NLRP4: variants seen among roughly 807,000 people sequenced by gnomAD.
The protein encoded by NLRP4 is NLR family pyrin domain containing 4.
NLRP4 carries 44 observed loss-of-function variants against 84.7 expected under a neutral mutation model. The ratio of observed to expected loss-of-function variants is 0.52; its 90% CI spans 0.41 to 0.67. The LOEUF (loss-of-function observed/expected upper bound fraction) is 0.67, where lower values mean the gene tolerates loss of function less well. Ranked by LOEUF, NLRP4 falls within the 30% of genes least tolerant of loss-of-function variation. The probability of loss-of-function intolerance (pLI) is 0.00; values close to 1 mark genes in which losing one functional copy is unlikely to be tolerated. For missense variants in NLRP4, 1,260 were observed against 1,219.4 expected (o/e 1.03, Z -0.50); for synonymous variants, 544 against 476.4 (o/e 1.14, Z -1.85).
chr19:55,862,775 A>G (rs1984812300), intron 5 of NLRP4, among the ~76,000 whole-genome samples: 1 of 152,108 alleles, frequency 6.6e-6, no homozygotes, highest in African/African-American at 2.4e-5. Flanking sequence ...TTCAGAGAAG[A>G]CTATGTATTT....
intron 2 of NLRP4, among the ~76,000 whole-genome samples, chr19:55,852,729 G>A (rs767749565): frequency 2.0e-5 from 3 of 152,038 alleles, no homozygotes; most frequent in Non-Finnish European, 1.5e-5. Flanking sequence ...CACCCATCTT[G>A]GCCTCCCAAA....
chr19:55,869,032 A>G (rs1249849317), intron 6 of NLRP4, among the ~76,000 whole-genome samples: 1 of 152,186 alleles, frequency 6.6e-6, no homozygotes, highest in Admixed American at 6.5e-5. Context: ...GACATCAGGC[A>G]ATGAAGGACA....
intron 6 of NLRP4, among the ~76,000 whole-genome samples, chr19:55,868,109 T>C (rs972210741): frequency 2.0e-5 from 3 of 152,368 alleles, no homozygotes; most frequent in South Asian, 2.1e-4. Context: ...AGAGGTCTTA[T>C]GGCTATCAAG....
At chr19:55,879,024 TG>T (rs1485750549) in intron 9 of NLRP4, 60 bp downstream of exon 9, 1 of 1,333,570 alleles carries the variant, frequency 7.5e-7, no homozygotes, top group Non-Finnish European at 1.1e-6. Flanking sequence ...AGGGATTGGC[TG>T]GGACCTGCAG....
chr19:55,856,896 C>T (rs996485914), intron 2 of NLRP4, among the ~76,000 whole-genome samples: 2 of 152,126 alleles, frequency 1.3e-5, no homozygotes, highest in South Asian at 2.1e-4. Context: ...GGAATGGATG[C>T]GAGGTGCCAT....
chr19:55,846,340 G>A, intron 1 of NLRP4, among the ~76,000 whole-genome samples: 1 of 152,024 alleles, frequency 6.6e-6, no homozygotes, highest in East Asian at 1.9e-4. Flanking sequence ...GTAGATATGC[G>A]GCATTATTTC....
chr19:55,859,602 C>G (rs1205080320), intron 3 of NLRP4, among the ~76,000 whole-genome samples: 1 of 152,098 alleles, frequency 6.6e-6, no homozygotes, highest in Admixed American at 6.6e-5. Context: ...CTTGACCTCT[C>G]AGCTGCAAGT....
chr19:55,858,001 A>G lies in NLRP4; in HGVS notation c.608A>G (p.Asp203Gly), dbSNP rs143553899. 152 of 1,614,172 alleles carry G rather than the reference A, an allele frequency of 9.4e-5. No individual in the cohort carries two copies. In the African/African-American group the frequency reaches 1.9e-3, roughly 20 times the overall value. ...GAGTTGCCGCCAACGAGTTTGGCTG[A>G]CTTGATTTCCAGAGAGTGGCCTGAC... ...LRELPPTSLA[D>G]LISREWPDPA... Residue 203 changes from aspartate (D) to glycine (G), a missense_variant, in exon 3 of 10, where the codon GAC (aspartate) becomes GGC (glycine). Around this residue, in one of 3 missense-constraint regions of NLRP4, gnomAD observed 712 missense variants for 669.2 expected, o/e 1.06. Coordinates refer to ENST00000301295, the MANE Select transcript of NLRP4 (RefSeq NM_134444.5). This position sits in a 1 kb window ranked among gnomAD's most constrained non-coding sequence, Gnocchi z 4.2.
In NLRP4 at chr19:55,858,130, A is replaced by G. The variant is rs878934589; in HGVS notation, c.737A>G (p.Asp246Gly). Residue 246 changes from aspartate (D) to glycine (G), a missense_variant, in exon 3 of 10, where the codon GAT (aspartate) becomes GGT (glycine). Physicochemically the swap from Asp to Gly is moderately conservative, Grantham distance 94. Coordinates refer to ENST00000301295, the MANE Select transcript of NLRP4 (RefSeq NM_134444.5). This position sits in a 1 kb window ranked among gnomAD's most constrained non-coding sequence, Gnocchi z 4.2. ...GGCGGCTTGAACGAACCCGATTCGGATCTGTGTGGTGACTTGATGGAGAAA... is the reference window on the plus strand; with the variant it reads ...GGCGGCTTGAACGAACCCGATTCGGGTCTGTGTGGTGACTTGATGGAGAAA... ...LQGGLNEPDS[D>G]LCGDLMEKRP... 2 of 1,614,070 alleles carry G rather than the reference A, an allele frequency of 1.2e-6. No homozygotes were observed. The highest frequency in any genetic ancestry group is 3.3e-5 in the Admixed American group (2 of 60,002).
At chr19:55,878,623 C>A (rs1038930093) in intron 8 of NLRP4, among the ~76,000 whole-genome samples, 171 bp from the exon 9 acceptor site, 3 of 152,146 alleles carry the variant, frequency 2.0e-5, no homozygotes, top group Non-Finnish European at 4.4e-5. Flanking sequence ...ACACTTATGG[C>A]TACTTTTACC....
intron 2 of NLRP4, among the ~76,000 whole-genome samples, chr19:55,853,504 C>T (rs1246321831): frequency 1.3e-5 from 2 of 152,132 alleles, no homozygotes; most frequent in Non-Finnish European, 2.9e-5. Context: ...TGATCTGCCA[C>T]CTCAGCCTCC....
intron 7 of NLRP4, among the ~76,000 whole-genome samples, chr19:55,876,787 TC>T (rs1222036162): frequency 1.3e-5 from 2 of 152,202 alleles, no homozygotes; most frequent in Admixed American, 6.5e-5. Flanking sequence ...ATTGGTTTTT[TC>T]GTTTGTATTT....
intron 5 of NLRP4, among the ~76,000 whole-genome samples, chr19:55,866,402 G>A (rs1471390568): frequency 6.6e-6 from 1 of 152,222 alleles, no homozygotes; most frequent in Non-Finnish European, 1.5e-5. Flanking sequence ...TGCTGCAGAG[G>A]CGTGAGGAGC....
chr19:55,848,252 G>T (rs918503553), intron 1 of NLRP4, among the ~76,000 whole-genome samples: 1 of 152,082 alleles, frequency 6.6e-6, no homozygotes, highest in African/African-American at 2.4e-5. Flanking sequence ...ACGAAGGAAA[G>T]GTGCCCTTCC....
chr19:55,877,770 T>C (rs888834307), intron 8 of NLRP4, among the ~76,000 whole-genome samples: 5 of 152,302 alleles, frequency 3.3e-5, no homozygotes, highest in African/African-American at 9.6e-5. Context: ...CCTCTGTGTG[T>C]GTGTGTCTAA....
At chr19:55,848,306 T>C (rs934775966) in intron 1 of NLRP4, among the ~76,000 whole-genome samples, 3 of 152,156 alleles carry the variant, frequency 2.0e-5, no homozygotes, top group African/African-American at 7.2e-5. Flanking sequence ...TTGGCCTTGA[T>C]CTCCTAGCTT....
At chr19:55,879,226 C>T (rs1277704132) in intron 9 of NLRP4, among the ~76,000 whole-genome samples, 4 of 151,938 alleles carry the variant, frequency 2.6e-5, no homozygotes, top group South Asian at 4.1e-4. Context: ...GTCCCAGGGC[C>T]GTGGAGATCC....
At chr19:55,854,570 G>A (rs1984335197) in intron 2 of NLRP4, among the ~76,000 whole-genome samples, 2 of 152,090 alleles carry the variant, frequency 1.3e-5, no homozygotes, top group South Asian at 4.1e-4. Context: ...ATTGATTCTG[G>A]TAGTAGTTAC....
At chr19:55,876,822 ATTG>A (rs1408601724) in intron 7 of NLRP4, among the ~76,000 whole-genome samples, 171 bp from the exon 8 acceptor site, 1 of 152,042 alleles carries the variant, frequency 6.6e-6, no homozygotes, top group Non-Finnish European at 1.5e-5. Context: ...GTTATGTGTT[ATTG>A]TTTTAATTCT....
Sources: gnomAD v4.1 joint callset for allele counts (sites outside exome capture counted in the v4.1 genomes callset) on GRCh38, gnomAD v4.1.1 for gene constraint, gnomAD v4.1.1 regional missense constraint, Gnocchi (gnomAD v3.1) non-coding constraint, MANE v1.5 for transcripts, NCBI Gene and HGNC (gene_info 2026-07-23, HGNC 2026-07-21) for gene names.